Variants in ZFAND4 observed in about 807,000 individuals in gnomAD.
ZFAND4 encodes zinc finger AN1-type containing 4.
ZFAND4 carries 43 observed loss-of-function variants against 64.4 expected under a neutral mutation model. That is an observed-to-expected ratio of 0.67 (90% CI 0.52 to 0.86). The LOEUF (loss-of-function observed/expected upper bound fraction) is 0.86. ZFAND4 is among the 40% of genes least tolerant of loss of function. The pLI is 0.00. For synonymous variants in ZFAND4, 296 were observed against 305.7 expected (o/e 0.97, Z 0.33); for missense variants, 929 against 859.8 (o/e 1.08, Z -1.01).
At chr10:45,619,045 A>T (rs113288531) in intron 8 of ZFAND4, among the ~76,000 whole-genome samples, 6,820 of 145,242 alleles carry the variant, frequency 0.047, 173 homozygotes, top group Non-Finnish European at 0.053. Flanking sequence ...AATTAAATCA[A>T]TTTTTTTTTT....
At chr10:45,642,143 T>C (rs1031100948) in intron 5 of ZFAND4, among the ~76,000 whole-genome samples, 2 of 152,224 alleles carry the variant, frequency 1.3e-5, no homozygotes, top group Non-Finnish European at 1.5e-5. Flanking sequence ...CTCAGTTACC[T>C]TGCAATATTT....
chr10:45,646,647 C>G (rs574842823), intron 5 of ZFAND4, among the ~76,000 whole-genome samples: 2 of 152,170 alleles, frequency 1.3e-5, no homozygotes, highest in East Asian at 3.9e-4. Context: ...TCTAAAAACA[C>G]AGCATAATGA....
chr10:45,651,576 A>T (rs755974838), intron 4 of ZFAND4: 8 of 472,140 alleles, frequency 1.7e-5, no homozygotes, highest in Non-Finnish European at 3.1e-5. Flanking sequence ...CCAGGTAAAC[A>T]GGCAATGTTG....
intron 5 of ZFAND4, 169 bp from the exon 6 acceptor site, chr10:45,640,132 G>C: frequency 7.9e-7 from 1 of 1,272,034 alleles, no homozygotes; most frequent in Non-Finnish European, 1.0e-6. Flanking sequence ...CTTCTTAAAA[G>C]AAAAAATGAA....
At chr10:45,661,083 C>T (rs2133842990) in intron 2 of ZFAND4, among the ~76,000 whole-genome samples, 1 of 152,282 alleles carries the variant, frequency 6.6e-6, no homozygotes, top group Middle Eastern at 3.4e-3. Flanking sequence ...GAGGGCTGGG[C>T]CTGGTGGCTC....
At chr10:45,628,802 A>T (rs2046007630) in intron 6 of ZFAND4, among the ~76,000 whole-genome samples, 1 of 151,674 alleles carries the variant, frequency 6.6e-6, no homozygotes, top group Non-Finnish European at 1.5e-5. Flanking sequence ...TATGATATGA[A>T]CTTCAAAATA....
Position 45,639,948 on chromosome 10 carries a change from A to G in ZFAND4, c.585T>C (p.Tyr195=), listed in dbSNP as rs1445469008. 2 of 1,609,770 alleles carry G rather than the reference A, an allele frequency of 1.2e-6. No individual in the cohort carries two copies. The highest frequency in any genetic ancestry group is 2.7e-5 in the African/African-American group (2 of 74,666). The change falls in exon 6 of 10, where the codon TAT becomes TAC. Residue 195 remains tyrosine, a synonymous_variant. Transcript: ENST00000344646. ...GEHRMSGGSM[Y]NSDTDEDEET... Reference sequence around the variant, plus strand: ...CTTCATCCTCATCTGTATCTGAATTATACATAGAACCACCACTGCAAAGAA... The same window carrying G: ...CTTCATCCTCATCTGTATCTGAATTGTACATAGAACCACCACTGCAAAGAA...
At chr10:45,651,288 T>C (rs763669694) in intron 4 of ZFAND4, 5 of 228,246 alleles carry the variant, frequency 2.2e-5, no homozygotes, top group Non-Finnish European at 3.6e-5. Flanking sequence ...TCTCCACTAA[T>C]GTCATCTTTT....
chr10:45,630,606 T>C (rs556140640), intron 6 of ZFAND4, among the ~76,000 whole-genome samples: 32 of 152,028 alleles, frequency 2.1e-4, no homozygotes, highest in African/African-American at 7.5e-4. Context: ...CAGGCACCTG[T>C]AGTCCCAGCT....
At position 45,616,575 on chromosome 10, in the gene ZFAND4, AAGCACAAAAAAAGT is replaced by A. The variant is rs1410295485; in HGVS notation, c.2049-18_2049-5del. ...TGCACAGAAGTTGTTTCCACATCTA[AAGCACAAAAAAAGT>A]TTACGTGAATAGTTGTATTTCTATG... is the stretch of plus-strand genomic sequence containing the variant. On this transcript the variant is annotated splice_polypyrimidine_tract_variant and splice_region_variant and intron_variant, in intron 9 of 9. Coordinates refer to ENST00000344646, the MANE Select transcript of ZFAND4 (RefSeq NM_174890.4). 3.7e-6 allele frequency: 6 copies of A among 1,613,882 alleles called. No individual in the cohort carries two copies. Among genetic ancestry groups the A allele is most frequent in the Non-Finnish European group, 5.1e-6 (6 of 1,179,910 alleles).
chr10:45,652,960 C>G lies in ZFAND4; in HGVS notation c.260+24G>C, dbSNP rs760600906. 9 of 1,579,168 alleles carry G rather than the reference C, an allele frequency of 5.7e-6. No homozygotes were observed. The African/African-American group carries it at 6.8e-5, about 12-fold the overall frequency. Reference sequence around the variant, plus strand: ...GTCATAATACTAAGTGCCTACAAAACAGCCAATATGCAATTACACTCACTT... The same window carrying G: ...GTCATAATACTAAGTGCCTACAAAAGAGCCAATATGCAATTACACTCACTT... On this transcript the variant is annotated intron_variant, in intron 3 of 9. Coordinates refer to ENST00000344646, the MANE Select transcript of ZFAND4 (RefSeq NM_174890.4).
chr10:45,622,944 A>G (rs1054033559), intron 8 of ZFAND4, among the ~76,000 whole-genome samples: 2 of 152,230 alleles, frequency 1.3e-5, no homozygotes, highest in African/African-American at 4.8e-5. Flanking sequence ...CATTTCTCCA[A>G]AGAAGATCTA....
intron 6 of ZFAND4, among the ~76,000 whole-genome samples, chr10:45,638,285 C>CA (rs1368874498): frequency 2.7e-5 from 4 of 147,178 alleles, no homozygotes; most frequent in Non-Finnish European, 3.0e-5. Flanking sequence ...AGATCGAGAC[C>CA]AACTTGGCTA....
chr10:45,621,734 T>C (rs1015986880), intron 8 of ZFAND4, among the ~76,000 whole-genome samples: 2 of 151,750 alleles, frequency 1.3e-5, no homozygotes, highest in African/African-American at 4.8e-5. Flanking sequence ...AGAGTGAGAC[T>C]CCACCTCACA....
intron 6 of ZFAND4, among the ~76,000 whole-genome samples, chr10:45,629,784 G>T (rs957889085): frequency 1.3e-5 from 2 of 152,030 alleles, no homozygotes; most frequent in Non-Finnish European, 1.5e-5. Context: ...GATCGCTTGA[G>T]CTCAGGAGGC....
intron 1 of ZFAND4, 97 bp from the exon 2 acceptor site, chr10:45,663,939 G>A (rs74470893): frequency 0.047 from 19,774 of 417,132 alleles, 702 homozygotes; most frequent in African/African-American, 0.12. Context: ...TCTTCCAGAC[G>A]GCCCCAGAAT....
intron 5 of ZFAND4, among the ~76,000 whole-genome samples, chr10:45,642,416 G>C (rs1175746925): frequency 6.6e-6 from 1 of 151,824 alleles, no homozygotes; most frequent in Non-Finnish European, 1.5e-5. Context: ...GACCATCCTG[G>C]CTAACATGGT....
intron 5 of ZFAND4, among the ~76,000 whole-genome samples, chr10:45,644,292 G>C (rs758606178): frequency 1.2e-4 from 19 of 152,190 alleles, no homozygotes; most frequent in Non-Finnish European, 2.4e-4. Context: ...TTAGCAATTA[G>C]ATAGCAAAGC....
intron 2 of ZFAND4, among the ~76,000 whole-genome samples, chr10:45,655,344 C>G (rs1449381348): frequency 6.6e-6 from 1 of 152,188 alleles, no homozygotes; most frequent in Non-Finnish European, 1.5e-5. Flanking sequence ...CTCTGGGATA[C>G]AGCAAAAGCA....
Sources: gnomAD v4.1 joint callset for allele counts (sites outside exome capture counted in the v4.1 genomes callset) on GRCh38, gnomAD v4.1.1 for gene constraint, MANE v1.5 for transcripts, NCBI Gene and HGNC (gene_info 2026-07-23, HGNC 2026-07-21) for gene names.